The following GRM7 variants were observed in gnomAD, a reference collection of about 807,000 sequenced individuals.
GRM7 encodes glutamate metabotropic receptor 7.
GRM7 carries 35 observed loss-of-function variants against 84.5 expected under a neutral mutation model. That is an observed-to-expected ratio of 0.41 (90% confidence interval 0.32 to 0.55). The LOEUF (loss-of-function observed/expected upper bound fraction) is 0.55, where lower values mean the gene tolerates loss of function less well. Among genes scored for constraint, GRM7 ranks in the 20% least tolerant of loss-of-function variants. GRM7 has a pLI of 0.19. For missense variants in GRM7, 1,003 were observed against 1,194.6 expected (o/e 0.84, Z 2.36); for synonymous variants, 487 against 455.1 (o/e 1.07, Z -0.89).
At chr3:6,946,560 T>C (rs986774923) in intron 1 of GRM7, among the ~76,000 whole-genome samples, 2 of 152,350 alleles carry the variant, frequency 1.3e-5, no homozygotes, top group South Asian at 2.1e-4. Flanking sequence ...TTTGGTTCCA[T>C]ATGAACTTTA....
chr3:7,560,743 A>G (rs1039995358), intron 7 of GRM7, among the ~76,000 whole-genome samples: 1 of 152,136 alleles, frequency 6.6e-6, no homozygotes, highest in African/African-American at 2.4e-5. Context: ...TTCAGATCAC[A>G]GCTTAAGAAT....
intron 5 of GRM7, among the ~76,000 whole-genome samples, chr3:7,431,097 C>T (rs763822941): frequency 3.3e-5 from 5 of 151,994 alleles, no homozygotes; most frequent in Admixed American, 1.3e-4. Context: ...CATCTTCAGC[C>T]GGCACTCATG....
chr3:7,578,734 G>A lies in GRM7; in HGVS notation c.1828G>A (p.Ala610Thr). Residue 610 changes from alanine (A) to threonine (T), a missense_variant, in exon 8 of 10, where the codon GCC becomes ACC. Physicochemically the swap from Ala to Thr is moderately conservative, Grantham distance 58 (BLOSUM62 0). Coordinates refer to ENST00000357716, the MANE Select transcript of GRM7 (RefSeq NM_000844.4). Reference sequence around the variant, plus strand: ...GATCATTGCCACCATCTTTGTCATGGCCACTTTCATCCGCTACAATGACAC... The same window carrying A: ...GATCATTGCCACCATCTTTGTCATGACCACTTTCATCCGCTACAATGACAC... ...LGIIATIFVM[A>T]TFIRYNDTPI... 1.9e-6 allele frequency: 3 copies of A among 1,614,068 alleles called. No homozygotes were observed. Among genetic ancestry groups the A allele is most frequent in the South Asian group, 1.1e-5 (1 of 91,080 alleles).
chr3:6,910,234 T>G (rs1192046108), intron 1 of GRM7, among the ~76,000 whole-genome samples: 1 of 152,282 alleles, frequency 6.6e-6, no homozygotes, highest in Admixed American at 6.5e-5. Context: ...GTATCACCAG[T>G]GTGCCAATGT....
At chr3:7,373,610 G>A (rs773907709) in intron 4 of GRM7, among the ~76,000 whole-genome samples, 3 of 152,110 alleles carry the variant, frequency 2.0e-5, no homozygotes, top group Non-Finnish European at 4.4e-5. Flanking sequence ...TGGAACTTTT[G>A]TATCCACAAA....
chr3:7,683,576 C>CA (rs1034108758), intron 9 of GRM7, among the ~76,000 whole-genome samples: 3 of 152,040 alleles, frequency 2.0e-5, no homozygotes, highest in African/African-American at 7.2e-5. Flanking sequence ...TCAAAAGTCC[C>CA]AAAAAAGAAT....
intron 1 of GRM7, among the ~76,000 whole-genome samples, chr3:6,886,953 GA>G (rs1431800886): frequency 6.6e-6 from 1 of 151,820 alleles, no homozygotes; most frequent in East Asian, 1.9e-4. Flanking sequence ...CTTAACCCGT[GA>G]ACTCAGGTCA....
chr3:6,912,786 A>G (rs556412931), intron 1 of GRM7, among the ~76,000 whole-genome samples: 3 of 152,334 alleles, frequency 2.0e-5, no homozygotes, highest in African/African-American at 7.2e-5. Context: ...AATAGTGATC[A>G]AAGATTGATT....
At chr3:7,614,886 T>A (rs540029624) in intron 8 of GRM7, among the ~76,000 whole-genome samples, 1 of 152,328 alleles carries the variant, frequency 6.6e-6, no homozygotes, top group South Asian at 2.1e-4. Flanking sequence ...TAGATTCATT[T>A]GTATTAACCC....
At chr3:7,172,171 A>G (rs1695005078) in intron 2 of GRM7, among the ~76,000 whole-genome samples, 1 of 152,176 alleles carries the variant, frequency 6.6e-6, no homozygotes, top group East Asian at 1.9e-4. Flanking sequence ...TTGCCAAAAG[A>G]CTATATGAGA....
chr3:6,980,674 T>G (rs1694164745), intron 1 of GRM7, among the ~76,000 whole-genome samples: 1 of 152,220 alleles, frequency 6.6e-6, no homozygotes, highest in Non-Finnish European at 1.5e-5. Context: ...ATACATGTAA[T>G]GAGATGTTCA....
chr3:6,861,206 G>T lies in GRM7; in HGVS notation c.-183G>T, dbSNP rs1052883432. The T allele has an allele frequency of 4.1e-6, 2 of 485,570 alleles. No homozygotes were observed. The highest frequency in any genetic ancestry group is 6.9e-6 in the Non-Finnish European group (2 of 289,974). 30.1% of individuals were successfully genotyped at this position (485,570 alleles called of 1,614,324 possible). On this transcript the variant is annotated 5_prime_UTR_variant, in exon 1 of 10. Coordinates refer to ENST00000357716, the MANE Select transcript of GRM7 (RefSeq NM_000844.4). This position sits in a 1 kb window ranked among gnomAD's most constrained non-coding sequence, Gnocchi z 6.4. ...AACCCGAGAGCGCGAGGCGCCCCAG[G>T]CTGGCAGGCGCCGCGGGACCCCTCA...
intron 6 of GRM7, among the ~76,000 whole-genome samples, chr3:7,456,484 T>C (rs1175346510): frequency 3.3e-5 from 5 of 149,878 alleles, no homozygotes; most frequent in African/African-American, 1.2e-4. Context: ...AACTGATTCA[T>C]GGGGAATTTA....
chr3:7,549,744 G>T (rs17047583), intron 7 of GRM7, among the ~76,000 whole-genome samples: 32,336 of 152,130 alleles, frequency 0.21, 5,203 homozygotes, highest in African/African-American at 0.45. Context: ...GTGACAGTGA[G>T]GCCAGAAGAT....
intron 4 of GRM7, among the ~76,000 whole-genome samples, chr3:7,409,791 A>ACG (rs1553585035): frequency 3.9e-5 from 6 of 151,922 alleles, no homozygotes; most frequent in South Asian, 4.2e-4. Context: ...TAGTAGAGGT[A>ACG]GGGTTTCACC....
At chr3:6,923,294 C>T (rs1374446759) in intron 1 of GRM7, among the ~76,000 whole-genome samples, 5 of 150,476 alleles carry the variant, frequency 3.3e-5, no homozygotes, top group African/African-American at 4.9e-5. Flanking sequence ...GGATTACAGG[C>T]GTGAGCTACC....
chr3:7,304,942 A>G (rs550792931), intron 3 of GRM7, among the ~76,000 whole-genome samples: 2 of 152,328 alleles, frequency 1.3e-5, no homozygotes, highest in East Asian at 1.9e-4. Flanking sequence ...ATAAGGCAGT[A>G]AAAAGCTCTG....
chr3:7,664,246 T>C (rs556219531), intron 8 of GRM7, among the ~76,000 whole-genome samples: 13 of 152,256 alleles, frequency 8.5e-5, no homozygotes, highest in African/African-American at 3.1e-4. Context: ...CATGCCTGGG[T>C]CTTTTCATTT....
rs111267554 is a variant in GRM7 at position 7,420,900 on chromosome 3, G to C, written c.1174+5737G>C. Among the ~76,000 whole-genome samples the C allele has an allele frequency of 9.9e-3, 1,503 of 152,128 alleles. 26 individuals carry two copies. Among genetic ancestry groups the C allele is most frequent in the African/African-American group, 0.033 (1,355 of 41,508 alleles). On this transcript the variant is annotated intron_variant, in intron 5 of 9. Coordinates refer to ENST00000357716, the MANE Select transcript of GRM7 (RefSeq NM_000844.4). ...GATACATGGAATACCAATTAATATA[G>C]GATTCTTCAAGTTAAAATGGTCTGA...
Sources: allele counts gnomAD v4.1 joint callset (sites outside exome capture counted in the v4.1 genomes callset), GRCh38; gene constraint gnomAD v4.1.1; non-coding constraint Gnocchi (gnomAD v3.1); transcripts MANE v1.5; gene names NCBI Gene and HGNC (gene_info 2026-07-23, HGNC 2026-07-21).